MBP: variants seen among roughly 807,000 people sequenced by gnomAD.
The protein encoded by MBP is myelin basic protein.
MBP carries 16 observed loss-of-function variants against 35.8 expected under a neutral mutation model. That is an observed-to-expected ratio of 0.45 (90% CI 0.30 to 0.68). The LOEUF (loss-of-function observed/expected upper bound fraction) is 0.68. MBP is among the 30% of genes least tolerant of loss of function. The pLI, the probability that MBP is intolerant of heterozygous loss-of-function variation, is 0.08. For missense variants in MBP, 380 were observed against 404.7 expected (o/e 0.94, Z 0.52); for synonymous variants, 143 against 159.6 (o/e 0.90, Z 0.78).
chr18:77,014,536 A>T (rs1304609808), intron 4 of MBP: 6 of 985,330 alleles, frequency 6.1e-6, no homozygotes, highest in Non-Finnish European at 7.2e-6. Flanking sequence ...GCATATAAAA[A>T]CAGGGGCTCT....
intron 3 of MBP, among the ~76,000 whole-genome samples, chr18:77,040,802 A>C (rs1005693062): frequency 9.8e-5 from 15 of 152,370 alleles, no homozygotes; most frequent in African/African-American, 3.1e-4. Flanking sequence ...AAAGACTTAC[A>C]TGTTAGACCT....
At chr18:77,125,888 C>CAAA (rs11370299) in intron 1 of MBP, among the ~76,000 whole-genome samples, 70 of 147,592 alleles carry the variant, frequency 4.7e-4, no homozygotes, top group South Asian at 4.2e-4. Flanking sequence ...TTCAAGAAAC[C>CAAA]AAAAAAAAAA....
chr18:77,118,520 T>G (rs1976769417), intron 1 of MBP, among the ~76,000 whole-genome samples: 1 of 151,748 alleles, frequency 6.6e-6, no homozygotes, highest in African/African-American at 2.4e-5. Flanking sequence ...TGCCCTGTGC[T>G]CGGCACCAGG....
chr18:77,042,293 G>A (rs866034827), intron 3 of MBP, among the ~76,000 whole-genome samples: 45 of 145,412 alleles, frequency 3.1e-4, no homozygotes, highest in African/African-American at 1.2e-3. Context: ...TCTCCCCGGG[G>A]GACCTGACTC....
At chr18:77,083,469 G>C (rs941475277) in intron 2 of MBP, among the ~76,000 whole-genome samples, 2 of 152,128 alleles carry the variant, frequency 1.3e-5, no homozygotes, top group African/African-American at 4.8e-5. Context: ...CAGAATTCAG[G>C]ATTTGTTTTT....
At chr18:77,126,320 T>C (rs1479667003) in intron 1 of MBP, among the ~76,000 whole-genome samples, 1 of 152,050 alleles carries the variant, frequency 6.6e-6, no homozygotes, top group African/African-American at 2.4e-5. Context: ...AGAAGAAAAA[T>C]CTCATGAACA....
intron 1 of MBP, chr18:77,115,490 G>A (rs1415045745): frequency 3.9e-5 from 6 of 152,218 alleles, no homozygotes; most frequent in African/African-American, 7.2e-5. Flanking sequence ...CAGCTCTGCT[G>A]CTATCATGGG....
intron 3 of MBP, among the ~76,000 whole-genome samples, chr18:77,052,802 G>A (rs1438758446): frequency 1.3e-5 from 2 of 152,056 alleles, no homozygotes; most frequent in South Asian, 2.1e-4. Context: ...CAGCAACACC[G>A]GGCCTGAGTC....
At chr18:77,085,802 A>T (rs1357315909) in intron 2 of MBP, among the ~76,000 whole-genome samples, 3 of 149,792 alleles carry the variant, frequency 2.0e-5, no homozygotes, top group Non-Finnish European at 4.4e-5. Context: ...CTCCTGCCTC[A>T]GCCTCCTGAG....
chr18:77,100,558 TTC>T lies in MBP; in HGVS notation c.51+4651_51+4652del, dbSNP rs1395508961. Among the ~76,000 whole-genome samples, 12 of 149,576 alleles carry T rather than the reference TTC, an allele frequency of 8.0e-5. 1 individual carries two copies. The highest frequency in any genetic ancestry group is 8.9e-5 in the Non-Finnish European group (6 of 67,462). On this transcript the variant is annotated intron_variant, in intron 2 of 8. Transcript: ENST00000355994. ...GTGTGTGTGTGTGTTTTGTGGTTTT[TTC>T]TTTTTTTTGAGACAGGGTCTTACTC...
upstream of MBP, chr18:77,132,867 G>T (rs1977333095): frequency 6.6e-6 from 1 of 151,890 alleles, no homozygotes; most frequent in South Asian, 2.1e-4. Context: ...GGTAAACACA[G>T]GCCGATCCCG....
At chr18:77,084,465 A>ACACACG (rs1568331839) in intron 2 of MBP, among the ~76,000 whole-genome samples, 4 of 149,194 alleles carry the variant, frequency 2.7e-5, no homozygotes, top group Admixed American at 1.3e-4. Flanking sequence ...ACACACACAC[A>ACACACG]CACACACTTC....
chr18:76,988,412 G>A lies in MBP; in HGVS notation c.750+83C>T, dbSNP rs777630194. On this transcript the variant is annotated intron_variant, in intron 7 of 8. Coordinates refer to ENST00000355994, the MANE Select transcript of MBP (RefSeq NM_001025101.2). The surrounding 1 kb of genome is among the most constrained non-coding windows in gnomAD (Gnocchi z 5.2). ...GAGAAAAGGAGGCCAGGAAGCAACC[G>A]AAACAGAGCAGAACACAAAAGTTGC... 64 of 1,614,110 alleles carry A rather than the reference G, an allele frequency of 4.0e-5. No homozygotes were observed. Among genetic ancestry groups the A allele is most frequent in the Non-Finnish European group, 4.7e-5 (56 of 1,179,980 alleles).
Position 77,081,856 on chromosome 18 carries a change from A to AT in MBP, c.52-15472dup, listed in dbSNP as rs67900283. Among the ~76,000 whole-genome samples the AT allele has an allele frequency of 8.6e-4, 115 of 133,844 alleles. 1 individual carries two copies. Among genetic ancestry groups the AT allele is most frequent in the African/African-American group, 1.9e-3 (65 of 33,952 alleles). The allele number at this position is 133,844 out of a possible 152,430, so 87.8% of individuals were successfully genotyped here. A position where few individuals can be genotyped will look rare whatever the true frequency, so the allele number is the denominator to read the frequency against. ...CACACACACACATATATATATATAT[A>AT]TTTTTTTTTTTTTGAGACGGAGTCT... On this transcript the variant is annotated intron_variant, in intron 2 of 8. Coordinates refer to ENST00000355994, the MANE Select transcript of MBP (RefSeq NM_001025101.2).
intron 3 of MBP, among the ~76,000 whole-genome samples, chr18:77,052,873 G>C (rs773976507): frequency 6.6e-6 from 1 of 152,112 alleles, no homozygotes; most frequent in Non-Finnish European, 1.5e-5. Context: ...TACCCCCCGG[G>C]TGGACTTCAG....
At chr18:77,036,012 A>G (rs1350521558) in intron 3 of MBP, among the ~76,000 whole-genome samples, 1 of 152,268 alleles carries the variant, frequency 6.6e-6, no homozygotes, top group Admixed American at 6.5e-5. Flanking sequence ...AATTGGAGGA[A>G]AAGTGAAAGG....
intron 3 of MBP, among the ~76,000 whole-genome samples, chr18:77,023,095 C>T (rs535648690): frequency 6.6e-6 from 1 of 152,342 alleles, no homozygotes; most frequent in South Asian, 2.1e-4. Flanking sequence ...AATCTTATTG[C>T]TAGGACAATG....
At chr18:77,098,829 C>T (rs1172597767) in intron 2 of MBP, among the ~76,000 whole-genome samples, 4 of 152,328 alleles carry the variant, frequency 2.6e-5, no homozygotes, top group South Asian at 2.1e-4. Context: ...CAGATTTAAA[C>T]GGGCCGTTCC....
rs533519622 is a variant in MBP, at chr18:77,042,197, A to G, written c.139+24101T>C. 3.3e-5 allele frequency among the ~76,000 whole-genome samples: 5 copies of G among 152,294 alleles called. No individual in the cohort carries two copies. The East Asian group carries it at 9.6e-4, about 29-fold the overall frequency. On this transcript the variant is annotated intron_variant, in intron 3 of 8. Transcript: ENST00000355994. Reference sequence around the variant, plus strand: ...ATAGCCTGTATTAAGAAGCGAGGGCAAGGGAGGTGTGCAGGAAGTGGCATG... The same window carrying G: ...ATAGCCTGTATTAAGAAGCGAGGGCGAGGGAGGTGTGCAGGAAGTGGCATG...
Sources: gnomAD v4.1 joint callset for allele counts (sites outside exome capture counted in the v4.1 genomes callset) on GRCh38, gnomAD v4.1.1 for gene constraint, Gnocchi (gnomAD v3.1) non-coding constraint, MANE v1.5 for transcripts, NCBI Gene and HGNC (gene_info 2026-07-23, HGNC 2026-07-21) for gene names.